SSUH2: variants seen among roughly 807,000 people sequenced by gnomAD.
SSUH2 encodes protein SSUH2 homolog.
SSUH2 carries 47 observed loss-of-function variants against 55.3 expected under a neutral mutation model. That is an observed-to-expected ratio of 0.85 (90% CI 0.67 to 1.08). SSUH2 has a LOEUF of 1.08. SSUH2 is among the 50% of genes least tolerant of loss of function. The pLI is 0.00. For missense variants in SSUH2, 535 were observed against 490.7 expected, an observed-to-expected ratio of 1.09 and a Z score of -0.85; for synonymous variants, 212 against 191.5, an observed-to-expected ratio of 1.11 and a Z score of -0.89.
rs766977606 is a variant in SSUH2, at chr3:8,633,756, G to A, written c.249C>T (p.Leu83=). ...AGCACTTAGAGTCCACAAAGCTGAG[G>A]AGGGCTTCCCGGGCCACCTCCTCCG... is the stretch of plus-strand genomic sequence containing the variant. ...AMTEEVAREA[L]LSFVDSKCCY... Residue 83 remains leucine, a synonymous_variant, in exon 4 of 12, where the codon CTC becomes CTT. Coordinates refer to ENST00000544814, the MANE Select transcript of SSUH2 (RefSeq NM_001256748.3). 1.9e-6 allele frequency: 3 copies of A among 1,610,534 alleles called. No homozygotes were observed. Among genetic ancestry groups the A allele is most frequent in the Non-Finnish European group, 2.5e-6 (3 of 1,178,066 alleles).
chr3:8,633,900 T>C (rs766072830), intron 3 of SSUH2, 105 bp from the exon 4 acceptor site: 16 of 1,613,770 alleles, frequency 9.9e-6, no homozygotes, highest in Middle Eastern at 1.6e-4. Flanking sequence ...GAGGCCACGG[T>C]AGTGGTAAAG....
chr3:8,681,210 T>C (rs1419680283), intron 1 of SSUH2, among the ~76,000 whole-genome samples: 3 of 144,094 alleles, frequency 2.1e-5, no homozygotes, highest in Non-Finnish European at 4.6e-5. Flanking sequence ...CCAGCCCCTC[T>C]TCCCCCCCTG....
chr3:8,623,525 G>C, intron 11 of SSUH2, 24 bp downstream of exon 11: 1 of 1,423,786 alleles, frequency 7.0e-7, no homozygotes, highest in Non-Finnish European at 9.7e-7. Flanking sequence ...GTCAGAGCCA[G>C]ATGGCCCCTC....
chr3:8,640,340 G>C (rs756452169), intron 1 of SSUH2, among the ~76,000 whole-genome samples: 16 of 152,112 alleles, frequency 1.1e-4, no homozygotes, highest in Non-Finnish European at 2.4e-4. Context: ...CAAATAATTG[G>C]TCACAGTAGT....
chr3:8,681,100 C>CT (rs1241407740), intron 1 of SSUH2, among the ~76,000 whole-genome samples: 52 of 97,202 alleles, frequency 5.3e-4, no homozygotes, highest in Middle Eastern at 7.4e-3. Context: ...GAGGCACCCC[C>CT]GCGAGGCGGG....
chr3:8,635,925 G>A (rs1699853445), intron 1 of SSUH2, 68 bp from the exon 2 acceptor site: 1 of 1,371,550 alleles, frequency 7.3e-7, no homozygotes, highest in African/African-American at 1.5e-5. Flanking sequence ...TTCACAGGAA[G>A]TTGAGAAATT....
rs1384971705 is a variant in SSUH2 at position 8,631,030 on chromosome 3, T to C, written c.401-101A>G. The C allele has an allele frequency of 6.6e-6, 8 of 1,212,224 alleles. No individual in the cohort carries two copies. The East Asian group carries it at 2.3e-4, about 35-fold the overall frequency. The allele number at this position is 1,212,224 out of a possible 1,614,324, so 75.1% of individuals were successfully genotyped here. Reference sequence around the variant, plus strand: ...TGAAGCCTTCAGTTGGTGCCAGGCATGAGTCTAGATCCTGGGGCTACAGGG... The same window carrying C: ...TGAAGCCTTCAGTTGGTGCCAGGCACGAGTCTAGATCCTGGGGCTACAGGG... On this transcript the variant is annotated intron_variant, in intron 5 of 11. Transcript: ENST00000544814.
intron 2 of SSUH2, chr3:8,677,483 G>A (rs555159246): frequency 4.2e-4 from 64 of 150,868 alleles, no homozygotes; most frequent in African/African-American, 1.6e-3. Flanking sequence ...AGGAACCTTT[G>A]GAATGGGGAT....
rs182296300 is a variant in SSUH2, at chr3:8,635,492, A to C, written c.128-111T>G. On this transcript the variant is annotated intron_variant, in intron 2 of 11. Coordinates refer to ENST00000544814, the MANE Select transcript of SSUH2 (RefSeq NM_001256748.3). ...TGTGAGAAAGAACAGATGAAGAAAC[A>C]GTGATGCATTTAATGCAAAAAGAAT... 3.3e-4 allele frequency: 281 copies of C among 855,534 alleles called. No individual in the cohort carries two copies. The African/African-American group carries it at 4.3e-3, about 13-fold the overall frequency. The allele number at this position is 855,534 out of a possible 1,614,324, so 53.0% of individuals were successfully genotyped here. A position where few individuals can be genotyped will look rare whatever the true frequency, so the allele number is the denominator to read the frequency against.
intron 11 of SSUH2, among the ~76,000 whole-genome samples, chr3:8,622,361 G>C (rs1407205421): frequency 1.3e-5 from 2 of 152,178 alleles, no homozygotes; most frequent in Non-Finnish European, 2.9e-5. Context: ...GGCCTCAGGA[G>C]ACCTGAGTTC....
upstream of SSUH2, among the ~76,000 whole-genome samples, chr3:8,649,045 TTC>T (rs1559470956): frequency 6.6e-6 from 1 of 152,126 alleles, no homozygotes; most frequent in Non-Finnish European, 1.5e-5. Context: ...GCTGCCCTAC[TTC>T]TGAGCCCCTA....
chr3:8,641,198 G>C (rs1236318523), intron 1 of SSUH2, among the ~76,000 whole-genome samples: 2 of 152,208 alleles, frequency 1.3e-5, no homozygotes, highest in African/African-American at 4.8e-5. Context: ...CTTCTCCACT[G>C]TTGTTTTGCC....
At chr3:8,627,840 G>C (rs1424885317) in intron 7 of SSUH2, 57 bp from the exon 8 acceptor site, 20 of 1,509,042 alleles carry the variant, frequency 1.3e-5, no homozygotes, top group Non-Finnish European at 1.8e-5. Context: ...AGGGCCAACG[G>C]CATCCCAAGA....
At chr3:8,628,836 T>C (rs1303386141) in intron 7 of SSUH2, among the ~76,000 whole-genome samples, 2 of 152,030 alleles carry the variant, frequency 1.3e-5, no homozygotes, top group African/African-American at 4.8e-5. Context: ...ATATAATAGG[T>C]GTCTGGTTTG....
intron 8 of SSUH2, chr3:8,627,234 T>A (rs1467115592): frequency 6.4e-6 from 1 of 155,416 alleles, no homozygotes; most frequent in African/African-American, 2.4e-5. Flanking sequence ...CTGTGAGCAG[T>A]GATGAAATTT....
rs146099687 is a variant in SSUH2 at position 8,681,141 on chromosome 3, C to G, written c.-1046+750G>C. On this transcript the variant is annotated intron_variant, in intron 1 of 18. Transcript: ENST00000317371. ...AGAGCCAGCCCCTCTTCCCCCCCTGCCTCTTAGGACTTCCATAGCAGGGGG... is the reference window on the plus strand; with the variant it reads ...AGAGCCAGCCCCTCTTCCCCCCCTGGCTCTTAGGACTTCCATAGCAGGGGG... 2.6e-3 allele frequency among the ~76,000 whole-genome samples: 222 copies of G among 84,834 alleles called. 7 individuals carry two copies. In the Middle Eastern group the frequency reaches 0.043, roughly 17 times the overall value. 55.7% of individuals were successfully genotyped at this position (84,834 alleles called of 152,430 possible). A position where few individuals can be genotyped will look rare whatever the true frequency, so the allele number is the denominator to read the frequency against.
upstream of SSUH2, among the ~76,000 whole-genome samples, chr3:8,647,476 A>T (rs1701839684): frequency 1.3e-5 from 2 of 152,260 alleles, no homozygotes; most frequent in South Asian, 4.1e-4. Context: ...GACTGAGTTC[A>T]AAGTCCTAAA....
At chr3:8,680,802 G>A (rs543017145) in intron 1 of SSUH2, among the ~76,000 whole-genome samples, 3 of 152,102 alleles carry the variant, frequency 2.0e-5, no homozygotes, top group Non-Finnish European at 4.4e-5. Flanking sequence ...TCTGAATATT[G>A]GAAAGAATAT....
chr3:8,625,966 C>A (rs549903287), intron 9 of SSUH2, among the ~76,000 whole-genome samples: 2 of 152,224 alleles, frequency 1.3e-5, no homozygotes, highest in African/African-American at 2.4e-5. Flanking sequence ...TCTATTCCTA[C>A]GGGAAGGGCT....
Sources: allele counts gnomAD v4.1 joint callset (sites outside exome capture counted in the v4.1 genomes callset), GRCh38; gene constraint gnomAD v4.1.1; transcripts MANE v1.5; gene names NCBI Gene and HGNC (gene_info 2026-07-23, HGNC 2026-07-21).